PIP5K1B: variants seen among roughly 807,000 people sequenced by gnomAD.
The protein encoded by PIP5K1B is phosphatidylinositol-4-phosphate 5-kinase type 1 beta.
In PIP5K1B, 42 loss-of-function variants were observed where a neutral mutation model predicts 67.0. The ratio of observed to expected loss-of-function variants is 0.63; its 90% CI spans 0.49 to 0.81. The LOEUF is 0.81. Ranked by LOEUF, PIP5K1B falls within the 30% of genes least tolerant of loss-of-function variation. The pLI, the probability that PIP5K1B is intolerant of heterozygous loss-of-function variation, is 0.00. For missense variants in PIP5K1B, 459 were observed against 646.3 expected (o/e 0.71, Z 3.14); for synonymous variants, 214 against 231.4 (o/e 0.92, Z 0.68).
chr9:68,737,931 A>G (rs545776830), intron 1 of PIP5K1B, among the ~76,000 whole-genome samples: 1 of 152,338 alleles, frequency 6.6e-6, no homozygotes, highest in South Asian at 2.1e-4. Context: ...AGCATTTGAC[A>G]AATATCTCTC....
intron 1 of PIP5K1B, among the ~76,000 whole-genome samples, chr9:68,713,877 T>C (rs537923016): frequency 6.6e-6 from 1 of 152,304 alleles, no homozygotes; most frequent in Admixed American, 6.5e-5. Flanking sequence ...TTTCTTTTCA[T>C]CACCATGTGC....
intron 14 of PIP5K1B, among the ~76,000 whole-genome samples, chr9:68,989,215 C>T (rs1830250176): frequency 1.4e-5 from 2 of 148,070 alleles, no homozygotes; most frequent in African/African-American, 5.0e-5. Context: ...TAAATATGTA[C>T]AAAGACAGGA....
chr9:68,726,485 A>G (rs1828154139), intron 1 of PIP5K1B, among the ~76,000 whole-genome samples: 1 of 152,188 alleles, frequency 6.6e-6, no homozygotes, highest in African/African-American at 2.4e-5. Flanking sequence ...CTGGCAGTGA[A>G]TAGAGTGGCA....
At chr9:68,807,945 C>T (rs949460333) in intron 2 of PIP5K1B, among the ~76,000 whole-genome samples, 1 of 152,178 alleles carries the variant, frequency 6.6e-6, no homozygotes, top group Non-Finnish European at 1.5e-5. Flanking sequence ...CACCTGTAAT[C>T]CCAGCACTTT....
Position 68,888,983 on chromosome 9 carries a change from T to C in PIP5K1B, c.321T>C (p.Tyr107=). 6.2e-7 allele frequency: 1 copy of C among 1,603,744 alleles called. No individual in the cohort carries two copies. The highest frequency in any genetic ancestry group is 2.2e-5 in the East Asian group (1 of 44,762). Residue 107 remains tyrosine (Y), a splice_region_variant and synonymous_variant, in exon 7 of 16, where the codon TAT becomes TAC. Coordinates refer to ENST00000265382, the MANE Select transcript of PIP5K1B (RefSeq NM_003558.4). ...TGTTTATTCATTTACCCTTTTAGTA[T>C]TCCATCTGCAGTGAACCTCTAATAG... ...LFGIKPDDYL[Y]SICSEPLIEL... is the part of the protein sequence containing the mutation.
In PIP5K1B at chr9:68,991,211, C is replaced by T. The variant is rs780379955; in HGVS notation, c.1574C>T (p.Thr525Ile). The part of the protein sequence containing the change: ...GTIYLTAEPN[T>I]LEVQDDNASV... ...ATCTACTTGACCGCTGAGCCCAACA[C>T]TCTGGAAGTGCAGGATGACAATGCT... The change falls in exon 15 of 16, where the codon ACT (threonine) becomes ATT (isoleucine). Residue 525 changes from threonine (T) to isoleucine (I), a missense_variant. This residue lies in a region of PIP5K1B where 169 missense variants were observed against 171.9 expected (regional missense o/e 0.98). Coordinates refer to ENST00000265382, the MANE Select transcript of PIP5K1B (RefSeq NM_003558.4). The T allele has an allele frequency of 9.3e-6, 15 of 1,611,796 alleles. No homozygotes were observed. The highest frequency in any genetic ancestry group is 1.3e-5 in the African/African-American group (1 of 74,864).
At chr9:68,940,496 AATT>A (rs1827502176) in intron 13 of PIP5K1B, 147 bp from the exon 14 acceptor site, 4 of 664,768 alleles carry the variant, frequency 6.0e-6, no homozygotes, top group Non-Finnish European at 7.5e-6. Flanking sequence ...TTTCTGCTGT[AATT>A]CAGAAAAAAA....
At chr9:68,745,030 C>T (rs2132329004) in intron 2 of PIP5K1B, among the ~76,000 whole-genome samples, 1 of 152,330 alleles carries the variant, frequency 6.6e-6, no homozygotes, top group East Asian at 1.9e-4. Context: ...TGGGAGAGGG[C>T]AGGCTGCTCC....
intron 1 of PIP5K1B, among the ~76,000 whole-genome samples, chr9:68,710,131 T>C (rs1322805398): frequency 6.6e-6 from 1 of 152,226 alleles, no homozygotes; most frequent in Non-Finnish European, 1.5e-5. Flanking sequence ...GCCAGAGCCT[T>C]CAGTAGATTC....
chr9:68,877,710 TG>T (rs2132322927), intron 6 of PIP5K1B, among the ~76,000 whole-genome samples: 1 of 152,360 alleles, frequency 6.6e-6, no homozygotes, highest in African/African-American at 2.4e-5. Context: ...TCTGTGCTGA[TG>T]AAGACTCTCG....
chr9:68,823,471 C>T (rs966078463), intron 4 of PIP5K1B, among the ~76,000 whole-genome samples: 9 of 152,164 alleles, frequency 5.9e-5, no homozygotes, highest in Admixed American at 2.0e-4. Flanking sequence ...GTGAGATGCT[C>T]CTCTTCCCCA....
At chr9:68,751,320 A>C (rs1214859602) in intron 2 of PIP5K1B, among the ~76,000 whole-genome samples, 1 of 152,222 alleles carries the variant, frequency 6.6e-6, no homozygotes, top group Admixed American at 6.5e-5. Context: ...TATTCATGGC[A>C]CTTGTCATTT....
At chr9:68,907,123 C>T (rs1027965118) in intron 8 of PIP5K1B, among the ~76,000 whole-genome samples, 1 of 152,216 alleles carries the variant, frequency 6.6e-6, no homozygotes, top group South Asian at 2.1e-4. Flanking sequence ...ATATTGCAGT[C>T]TCTTCTGGTT....
At position 68,941,234 on chromosome 9, in the gene PIP5K1B, C is replaced by T. The variant is rs150010801; in HGVS notation, c.1502+444C>T. 6.5e-4 allele frequency: 254 copies of T among 393,630 alleles called. 2 individuals are homozygous for T. The highest frequency in any genetic ancestry group is 2.8e-3 in the African/African-American group (134 of 47,534). 24.4% of individuals were successfully genotyped at this position (393,630 alleles called of 1,614,324 possible). A position where few individuals can be genotyped will look rare whatever the true frequency, so the allele number is the denominator to read the frequency against. ...GCTATCCACATCCTAATTCCTGTAA[C>T]CTGTGAATATGTTACCTTATATGGC... On this transcript the variant is annotated intron_variant, in intron 14 of 15. Coordinates refer to ENST00000265382, the MANE Select transcript of PIP5K1B (RefSeq NM_003558.4).
At chr9:68,725,467 G>T (rs907393558) in intron 1 of PIP5K1B, among the ~76,000 whole-genome samples, 2 of 152,164 alleles carry the variant, frequency 1.3e-5, no homozygotes, top group Non-Finnish European at 2.9e-5. Flanking sequence ...ACACATTAGA[G>T]AATTTATTTT....
chr9:68,942,405 C>T (rs1243192392), intron 14 of PIP5K1B, among the ~76,000 whole-genome samples: 3 of 152,080 alleles, frequency 2.0e-5, no homozygotes, highest in African/African-American at 7.2e-5. Context: ...TCAATCATTT[C>T]GTGAGATTTT....
intron 1 of PIP5K1B, among the ~76,000 whole-genome samples, chr9:68,732,954 T>C (rs1413254038): frequency 6.7e-6 from 1 of 149,930 alleles, no homozygotes; most frequent in African/African-American, 2.5e-5. Flanking sequence ...ATGATGATGA[T>C]GACGACGACG....
At position 68,928,098 on chromosome 9, in the gene PIP5K1B, G is replaced by A. The variant is rs148816270; in HGVS notation, c.1201+4712G>A. Among the ~76,000 whole-genome samples, 676 of 151,752 alleles carry A rather than the reference G, an allele frequency of 4.5e-3. 6 individuals carry two copies. Among genetic ancestry groups the A allele is most frequent in the African/African-American group, 0.015 (612 of 41,424 alleles). ...ACAAAAAAAAAAGGAAAAGAAAGTC[G>A]ATTGACCACAATTATAATAAGGATT... On this transcript the variant is annotated intron_variant, in intron 12 of 15. Transcript: ENST00000265382.
At chr9:68,752,898 GATCTAATATTT>G (rs1829708835) in intron 2 of PIP5K1B, among the ~76,000 whole-genome samples, 1 of 152,178 alleles carries the variant, frequency 6.6e-6, no homozygotes, top group Admixed American at 6.5e-5. Flanking sequence ...TTAGTTGTTA[GATCTAATATTT>G]TTCTCTACGA....
Sources: gnomAD v4.1 joint callset for allele counts (sites outside exome capture counted in the v4.1 genomes callset) on GRCh38, gnomAD v4.1.1 for gene constraint, gnomAD v4.1.1 regional missense constraint, MANE v1.5 for transcripts, NCBI Gene and HGNC (gene_info 2026-07-23, HGNC 2026-07-21) for gene names.